Variants in AFG2A observed in about 807,000 individuals in gnomAD.
The protein encoded by AFG2A is AAA ATPase AFG2A.
At chr4:123,108,572 C>G in the AFG2A span, among the ~76,000 whole-genome samples, 18 of 151,972 alleles carry the variant, frequency 1.2e-4, no homozygotes, top group Non-Finnish European at 2.9e-5. Context: ...TGATGACAGA[C>G]TTAGTCAGAG....
At chr4:123,004,268 G>T in the AFG2A span, among the ~76,000 whole-genome samples, 2 of 152,242 alleles carry the variant, frequency 1.3e-5, no homozygotes, top group Admixed American at 6.5e-5. Context: ...TCCCGAGTGA[G>T]GAAATGCCTC....
the AFG2A span, among the ~76,000 whole-genome samples, chr4:123,035,065 T>G: frequency 6.6e-6 from 1 of 151,572 alleles, no homozygotes; most frequent in South Asian, 2.1e-4. Context: ...GGAACCTGGG[T>G]TTGGGGCTGC....
At chr4:122,951,899 A>G in the AFG2A span, among the ~76,000 whole-genome samples, 4 of 152,138 alleles carry the variant, frequency 2.6e-5, no homozygotes, top group Non-Finnish European at 4.4e-5. Flanking sequence ...TCCCTAAAAG[A>G]CTATGTGACA....
the AFG2A span, among the ~76,000 whole-genome samples, chr4:122,958,714 G>A: frequency 6.6e-6 from 1 of 152,182 alleles, no homozygotes; most frequent in East Asian, 1.9e-4. Flanking sequence ...TGCTAATGCG[G>A]CTGATCTGGA....
chr4:122,983,127 A>G, the AFG2A span, among the ~76,000 whole-genome samples: 18 of 151,972 alleles, frequency 1.2e-4, no homozygotes, highest in African/African-American at 3.1e-4. Flanking sequence ...CAGCCTCCCA[A>G]AGTGCTAGGA....
chr4:123,246,455 A>G, the AFG2A span, among the ~76,000 whole-genome samples: 2 of 152,186 alleles, frequency 1.3e-5, no homozygotes, highest in Non-Finnish European at 2.9e-5. Flanking sequence ...GCAATTTGCT[A>G]CGGACTGTGA....
the AFG2A span, among the ~76,000 whole-genome samples, chr4:122,964,358 G>A: frequency 3.3e-5 from 5 of 151,954 alleles, no homozygotes; most frequent in East Asian, 3.9e-4. Context: ...GCAAAAATTA[G>A]CCGGGTGTGG....
At chr4:123,189,688 G>T in the AFG2A span, among the ~76,000 whole-genome samples, 2 of 151,356 alleles carry the variant, frequency 1.3e-5, no homozygotes, top group African/African-American at 2.4e-5. Context: ...TATTGCCTTA[G>T]CTTTCATTTC....
the AFG2A span, among the ~76,000 whole-genome samples, chr4:122,945,925 C>G: frequency 0.041 from 6,245 of 152,234 alleles, 412 homozygotes; most frequent in African/African-American, 0.14. Context: ...AGGGTTGTCA[C>G]CTGGTGGAGG....
the AFG2A span, among the ~76,000 whole-genome samples, chr4:123,106,875 C>T: frequency 3.3e-5 from 5 of 152,224 alleles, no homozygotes; most frequent in African/African-American, 1.2e-4. Flanking sequence ...AGGCGTGGAG[C>T]GGTGAGGGTT....
chr4:123,144,906 G>A, the AFG2A span, among the ~76,000 whole-genome samples: 1 of 152,042 alleles, frequency 6.6e-6, no homozygotes, highest in African/African-American at 2.4e-5. Context: ...TGGAAAAGTG[G>A]AACTGGCTTT....
At chr4:123,161,525 T>G in the AFG2A span, among the ~76,000 whole-genome samples, 1 of 152,124 alleles carries the variant, frequency 6.6e-6, no homozygotes, top group Admixed American at 6.6e-5. Flanking sequence ...GATACAGACA[T>G]GAAAGCAAGG....
At chr4:122,925,753 A>G in the AFG2A span, among the ~76,000 whole-genome samples, 2 of 152,196 alleles carry the variant, frequency 1.3e-5, no homozygotes, top group South Asian at 4.1e-4. Flanking sequence ...TTAGTTTATT[A>G]TTTTACAGCT....
chr4:123,052,276 C>T, the AFG2A span, among the ~76,000 whole-genome samples: 1 of 152,122 alleles, frequency 6.6e-6, no homozygotes, highest in Non-Finnish European at 1.5e-5. Context: ...TTTTCCAGCT[C>T]CACAATTTTT....
At chr4:123,021,506 A>G in the AFG2A span, among the ~76,000 whole-genome samples, 2 of 152,152 alleles carry the variant, frequency 1.3e-5, no homozygotes, top group African/African-American at 2.4e-5. Flanking sequence ...TAGCCCTTCT[A>G]CGAACACATG....
At chr4:123,216,631 C>A in the AFG2A span, among the ~76,000 whole-genome samples, 2 of 151,154 alleles carry the variant, frequency 1.3e-5, no homozygotes, top group South Asian at 2.1e-4. Context: ...GTTCCCCAAA[C>A]TGCTAACAGA....
At chr4:123,291,315 G>A in the AFG2A span, among the ~76,000 whole-genome samples, 23 of 152,076 alleles carry the variant, frequency 1.5e-4, no homozygotes, top group African/African-American at 2.9e-4. Flanking sequence ...ATTTAGACCC[G>A]TATTCAACAT....
the AFG2A span, among the ~76,000 whole-genome samples, chr4:123,174,716 C>T: frequency 3.3e-5 from 5 of 151,946 alleles, no homozygotes; most frequent in African/African-American, 1.2e-4. Context: ...TACTTCACAT[C>T]ACATACCATG....
At chr4:123,243,976 C>T in the AFG2A span, among the ~76,000 whole-genome samples, 15 of 152,188 alleles carry the variant, frequency 9.9e-5, no homozygotes, top group African/African-American at 3.4e-4. Flanking sequence ...GAGCCATGAT[C>T]GCGCTACTGC....
Sources: gnomAD v4.1 joint callset for allele counts (sites outside exome capture counted in the v4.1 genomes callset) on GRCh38, gnomAD v4.1.1 for gene constraint, MANE v1.5 for transcripts, NCBI Gene and HGNC (gene_info 2026-07-23, HGNC 2026-07-21) for gene names.